The following SLC71A2 variants were observed in gnomAD, a reference collection of about 807,000 sequenced individuals.
The protein encoded by SLC71A2 is hippocampus abundant transcript-like 1.
the SLC71A2 span, among the ~76,000 whole-genome samples, chr9:94,420,779 G>A: frequency 2.0e-5 from 3 of 151,936 alleles, no homozygotes; most frequent in Non-Finnish European, 4.4e-5. Context: ...TGCGCCTGTA[G>A]TCCCAGCTAC....
the SLC71A2 span, chr9:94,445,274 AGTT>A: frequency 7.9e-6 from 8 of 1,009,680 alleles, no homozygotes; most frequent in South Asian, 1.6e-5. Context: ...GGATCCTAGC[AGTT>A]GTTGACTTAT....
the SLC71A2 span, among the ~76,000 whole-genome samples, chr9:94,415,878 C>T: frequency 1.4e-4 from 21 of 152,186 alleles, no homozygotes; most frequent in Admixed American, 5.9e-4. Flanking sequence ...AATTGCAGAG[C>T]ATTGTTGAAG....
chr9:94,440,866 T>G, the SLC71A2 span: 4 of 553,646 alleles, frequency 7.2e-6, no homozygotes, highest in Non-Finnish European at 1.3e-5. Context: ...TAAGTATACA[T>G]ACATATACAA....
At chr9:94,407,767 C>A in the SLC71A2 span, among the ~76,000 whole-genome samples, 1 of 151,996 alleles carries the variant, frequency 6.6e-6, no homozygotes, top group East Asian at 1.9e-4. Context: ...GTTTTGCTTT[C>A]CATGGTTTCA....
the SLC71A2 span, among the ~76,000 whole-genome samples, chr9:94,448,555 T>C: frequency 2.6e-5 from 4 of 152,204 alleles, no homozygotes; most frequent in Admixed American, 2.0e-4. Flanking sequence ...AAAAATGAAG[T>C]GTATTAAATT....
the SLC71A2 span, among the ~76,000 whole-genome samples, chr9:94,424,245 A>G: frequency 0.57 from 84,704 of 149,804 alleles, 24,879 homozygotes; most frequent in Middle Eastern, 0.72. Flanking sequence ...TTTTTGGCGG[A>G]GGGGGGAGCA....
At chr9:94,391,090 A>G in the SLC71A2 span, among the ~76,000 whole-genome samples, 1 of 151,512 alleles carries the variant, frequency 6.6e-6, no homozygotes, top group Admixed American at 6.6e-5. Flanking sequence ...TAGTGGAAAA[A>G]GATTGGCTGG....
chr9:94,451,568 AT>A, the SLC71A2 span: 8 of 1,060,554 alleles, frequency 7.5e-6, no homozygotes, highest in Non-Finnish European at 1.1e-5. Flanking sequence ...TTTAAAAAAT[AT>A]CCTGATAACC....
At chr9:94,385,800 T>C in the SLC71A2 span, among the ~76,000 whole-genome samples, 1 of 152,108 alleles carries the variant, frequency 6.6e-6, no homozygotes, top group Non-Finnish European at 1.5e-5. Context: ...TTTTGTAATT[T>C]TTCAAGACTG....
chr9:94,419,808 T>C, the SLC71A2 span, among the ~76,000 whole-genome samples: 1 of 152,348 alleles, frequency 6.6e-6, no homozygotes, highest in South Asian at 2.1e-4. Context: ...TTGCTTGGAC[T>C]AAATCTGTGA....
the SLC71A2 span, chr9:94,456,227 C>T: frequency 3.1e-6 from 5 of 1,608,644 alleles, no homozygotes; most frequent in African/African-American, 6.7e-5. Flanking sequence ...CTGTGCCTGT[C>T]CTGTCATTGC....
the SLC71A2 span, among the ~76,000 whole-genome samples, chr9:94,409,129 CTTTTTTTTTTTTTTT>C: frequency 1.5e-5 from 1 of 68,240 alleles, no homozygotes; most frequent in Non-Finnish European, 2.4e-5. Context: ...GCCCGGCCTC[CTTTTTTTTTTTTTTT>C]TTTTTTTTTT....
the SLC71A2 span, among the ~76,000 whole-genome samples, chr9:94,417,881 G>T: frequency 1.6e-5 from 1 of 62,998 alleles, no homozygotes; most frequent in African/African-American, 5.1e-5. Flanking sequence ...CCCCCCGACA[G>T]AGTCTTGCTC....
At chr9:94,458,871 C>A in the SLC71A2 span, among the ~76,000 whole-genome samples, 1 of 152,138 alleles carries the variant, frequency 6.6e-6, no homozygotes, top group African/African-American at 2.4e-5. Context: ...TACAAAGGTG[C>A]ATGATCTGAA....
At chr9:94,447,981 T>G in the SLC71A2 span, among the ~76,000 whole-genome samples, 1 of 152,196 alleles carries the variant, frequency 6.6e-6, no homozygotes, top group Non-Finnish European at 1.5e-5. Context: ...TGATAGCTCA[T>G]TTTGTTTTTG....
chr9:94,456,471 A>T, the SLC71A2 span: 1 of 626,496 alleles, frequency 1.6e-6, no homozygotes, highest in East Asian at 2.8e-5. Flanking sequence ...ATACCTATTT[A>T]CTTTGGCAGA....
chr9:94,418,877 A>G, the SLC71A2 span, among the ~76,000 whole-genome samples: 12 of 150,356 alleles, frequency 8.0e-5, no homozygotes, highest in Admixed American at 4.7e-4. Flanking sequence ...TACAGGTGTG[A>G]GCCACCACAC....
the SLC71A2 span, among the ~76,000 whole-genome samples, chr9:94,388,974 A>C: frequency 6.3e-3 from 960 of 152,226 alleles, 13 homozygotes; most frequent in African/African-American, 0.022. Context: ...CCTTCGCCTC[A>C]TTGCCTGTCT....
the SLC71A2 span, among the ~76,000 whole-genome samples, chr9:94,442,962 G>T: frequency 6.6e-6 from 1 of 152,076 alleles, no homozygotes; most frequent in African/African-American, 2.4e-5. Flanking sequence ...TGCCCATAAG[G>T]CTTGGCCAAC....
Sources: gnomAD v4.1 joint callset for allele counts (sites outside exome capture counted in the v4.1 genomes callset) on GRCh38, gnomAD v4.1.1 for gene constraint, MANE v1.5 for transcripts, NCBI Gene and HGNC (gene_info 2026-07-23, HGNC 2026-07-21) for gene names.